ZNF362: variants seen among roughly 807,000 people sequenced by gnomAD.
ZNF362 encodes rotund homolog.
In ZNF362, 11 loss-of-function variants were observed where a neutral mutation model predicts 42.9. That is an observed-to-expected ratio of 0.26 (90% CI 0.16 to 0.42). ZNF362 has a LOEUF of 0.42. Ranked by LOEUF, ZNF362 falls within the 20% of genes least tolerant of loss-of-function variation. ZNF362 has a pLI of 1.00. For missense variants in ZNF362, 362 were observed against 576.2 expected, an observed-to-expected ratio of 0.63 and a Z score of 3.81; for synonymous variants, 255 against 257.3, an observed-to-expected ratio of 0.99 and a Z score of 0.09.
the ZNF362 span, among the ~76,000 whole-genome samples, chr1:33,168,636 C>T: frequency 6.6e-6 from 1 of 152,228 alleles, no homozygotes; most frequent in African/African-American, 2.4e-5. Flanking sequence ...GGCTCTGTTA[C>T]TAACAGCTGA....
In ZNF362 at chr1:33,281,278, G is replaced by A. The variant is rs1406576351; in HGVS notation, c.684-309G>A. Among the ~76,000 whole-genome samples, 1 of 152,084 alleles carries A rather than the reference G, an allele frequency of 6.6e-6. No individual in the cohort carries two copies. Among genetic ancestry groups the A allele is most frequent in the African/African-American group, 2.4e-5 (1 of 41,392 alleles). On this transcript the variant is annotated intron_variant, in intron 5 of 8. Transcript: ENST00000539719. The surrounding 1 kb of genome is among the most constrained non-coding windows in gnomAD (Gnocchi z 4.8). The stretch of plus-strand genomic sequence containing the variant: ...GTTGAGAACTACTTCACGTGGTAGC[G>A]CCTCCTGCCCAGAACCGTGGGATAT...
At chr1:33,240,675 G>C in the ZNF362 span, among the ~76,000 whole-genome samples, 4 of 152,082 alleles carry the variant, frequency 2.6e-5, no homozygotes, top group African/African-American at 9.7e-5. Flanking sequence ...GGTTCTTCTT[G>C]TTCAAGCTAA....
intron 2 of ZNF362, among the ~76,000 whole-genome samples, chr1:33,272,418 G>C (rs1021575631): frequency 5.3e-5 from 8 of 152,176 alleles, no homozygotes; most frequent in Non-Finnish European, 1.2e-4. Context: ...TGGACAGATT[G>C]ATAGATGGGC....
the ZNF362 span, among the ~76,000 whole-genome samples, chr1:33,136,742 G>A: frequency 6.0e-5 from 9 of 150,096 alleles, no homozygotes; most frequent in Admixed American, 2.0e-4. Flanking sequence ...GCTCACGCCC[G>A]TAATCCCAGC....
the ZNF362 span, among the ~76,000 whole-genome samples, chr1:33,141,412 C>T: frequency 6.6e-6 from 1 of 152,202 alleles, no homozygotes. Flanking sequence ...CTCAGCTCCA[C>T]CATATGCTGT....
chr1:33,181,584 C>A, the ZNF362 span: 1 of 1,348,096 alleles, frequency 7.4e-7, no homozygotes, highest in Non-Finnish European at 9.7e-7. This position sits in a 1 kb window ranked among gnomAD's most constrained non-coding sequence, Gnocchi z 6.5. Context: ...GGGTGCTGTC[C>A]GGAAGGAGGG....
the ZNF362 span, among the ~76,000 whole-genome samples, chr1:33,177,080 T>C: frequency 7.0e-6 from 1 of 143,872 alleles, no homozygotes; most frequent in Non-Finnish European, 1.5e-5. This position sits in a 1 kb window ranked among gnomAD's most constrained non-coding sequence, Gnocchi z 4.1. Context: ...CACACACACA[T>C]GCATGCACAA....
At chr1:33,163,074 T>G in the ZNF362 span, 2 of 152,212 alleles carry the variant, frequency 1.3e-5, no homozygotes, top group East Asian at 3.9e-4. Flanking sequence ...GTCTCACTCT[T>G]GTTGCCCAGG....
intron 8 of ZNF362, among the ~76,000 whole-genome samples, chr1:33,298,234 C>G (rs999672141): frequency 2.0e-5 from 3 of 152,170 alleles, no homozygotes; most frequent in African/African-American, 7.2e-5. Context: ...CCTGTAGTCC[C>G]AGCTACTTGG....
the ZNF362 span, among the ~76,000 whole-genome samples, chr1:33,223,331 T>C: frequency 5.3e-5 from 8 of 152,348 alleles, no homozygotes; most frequent in South Asian, 2.1e-4. Context: ...CCCTGTGAGA[T>C]GTGCCTTTTA....
At chr1:33,257,167 C>T (rs1645798622) in intron 1 of ZNF362, among the ~76,000 whole-genome samples, 1 of 151,722 alleles carries the variant, frequency 6.6e-6, no homozygotes. Context: ...TTTTGTTTTT[C>T]TTTTGTCTGA....
chr1:33,199,441 T>C, the ZNF362 span, among the ~76,000 whole-genome samples: 1 of 152,104 alleles, frequency 6.6e-6, no homozygotes, highest in East Asian at 1.9e-4. Context: ...ATTTCAAAAA[T>C]GAAGGGGAAA....
intron 1 of ZNF362, among the ~76,000 whole-genome samples, chr1:33,263,887 G>T (rs1645846034): frequency 1.3e-5 from 2 of 152,190 alleles, no homozygotes; most frequent in African/African-American, 2.4e-5. Flanking sequence ...GCTGAGTCTG[G>T]TGGGGCCTGT....
the ZNF362 span, chr1:33,158,402 G>A: frequency 2.5e-6 from 4 of 1,592,852 alleles, no homozygotes; most frequent in Non-Finnish European, 3.4e-6. Flanking sequence ...GCTGCACCAG[G>A]GACTGGATTC....
Position 33,281,929 on chromosome 1 carries a change from G to A in ZNF362, c.908+118G>A, listed in dbSNP as rs1645997532. On this transcript the variant is annotated intron_variant, in intron 6 of 8. Coordinates refer to ENST00000539719, the MANE Select transcript of ZNF362 (RefSeq NM_152493.3). This position sits in a 1 kb window ranked among gnomAD's most constrained non-coding sequence, Gnocchi z 4.8. The stretch of plus-strand genomic sequence containing the variant: ...TTCTCCAGGTGCCCATTGCCCTCGG[G>A]GTCACGGCCCTTGTGGACCTCACTG... 9.7e-7 allele frequency: 1 copy of A among 1,034,968 alleles called. No homozygotes were observed. The highest frequency in any genetic ancestry group is 2.1e-5 in the Admixed American group (1 of 47,044). 64.1% of individuals were successfully genotyped at this position (1,034,968 alleles called of 1,614,324 possible).
rs1645943215 is a variant in ZNF362, at chr1:33,276,086, C to T, written c.39-14C>T. On this transcript the variant is annotated splice_polypyrimidine_tract_variant and intron_variant, in intron 2 of 8. Coordinates refer to ENST00000539719, the MANE Select transcript of ZNF362 (RefSeq NM_152493.3). ...AGGGCTCTCTTCCCGGTGACAGTCG[C>T]TCTCTTCCCGCAGGATGGCCGAGCC... The T allele has an allele frequency of 6.2e-7, 1 of 1,613,866 alleles. No homozygotes were observed. The highest frequency in any genetic ancestry group is 1.7e-5 in the Admixed American group (1 of 59,994).
the ZNF362 span, among the ~76,000 whole-genome samples, chr1:33,189,312 A>G: frequency 2.0e-5 from 3 of 152,032 alleles, no homozygotes; most frequent in Non-Finnish European, 4.4e-5. Flanking sequence ...AGGGATCACA[A>G]CAGGGGATTC....
chr1:33,206,139 A>C, the ZNF362 span, among the ~76,000 whole-genome samples: 1 of 152,170 alleles, frequency 6.6e-6, no homozygotes, highest in South Asian at 2.1e-4. Context: ...CCATAACTTC[A>C]AATGTATCAT....
chr1:33,279,490 T>TTA (rs1553178938), intron 4 of ZNF362, among the ~76,000 whole-genome samples: 50 of 151,084 alleles, frequency 3.3e-4, no homozygotes, highest in South Asian at 4.2e-4. Flanking sequence ...TTTTTTTTTT[T>TTA]AAAAAAACAT....
Sources: allele counts gnomAD v4.1 joint callset (sites outside exome capture counted in the v4.1 genomes callset), GRCh38; gene constraint gnomAD v4.1.1; non-coding constraint Gnocchi (gnomAD v3.1); transcripts MANE v1.5; gene names NCBI Gene and HGNC (gene_info 2026-07-23, HGNC 2026-07-21).